Variants in FRMPD2 observed in about 807,000 individuals in gnomAD.
FRMPD2 encodes FERM and PDZ domain-containing protein 2.
In FRMPD2, 96 loss-of-function variants were observed where a neutral mutation model predicts 140.1. The ratio of observed to expected loss-of-function variants is 0.69; its 90% CI spans 0.58 to 0.81. The LOEUF (loss-of-function observed/expected upper bound fraction) is 0.81. Ranked by LOEUF, FRMPD2 falls within the 40% of genes least tolerant of loss-of-function variation. The pLI is 0.00. For missense variants in FRMPD2, 1,240 were observed against 1,447.4 expected (o/e 0.86, Z 2.32); for synonymous variants, 449 against 547.6 (o/e 0.82, Z 2.52).
intron 15 of FRMPD2, among the ~76,000 whole-genome samples, chr10:48,196,872 A>C (rs1051155518): frequency 1.9e-4 from 29 of 152,242 alleles, no homozygotes; most frequent in Non-Finnish European, 7.3e-5. Flanking sequence ...ATTACAAGCC[A>C]AATAGGCCTG....
At chr10:48,259,812 G>T (rs1304135084) in intron 1 of FRMPD2, among the ~76,000 whole-genome samples, 1 of 151,968 alleles carries the variant, frequency 6.6e-6, no homozygotes, top group Non-Finnish European at 1.5e-5. Context: ...TCCTGCATAA[G>T]AACAGCAGAT....
At chr10:48,197,469 A>C (rs1310911898) in intron 15 of FRMPD2, among the ~76,000 whole-genome samples, 1 of 152,204 alleles carries the variant, frequency 6.6e-6, no homozygotes, top group Non-Finnish European at 1.5e-5. Flanking sequence ...CACTCCCCTG[A>C]GTCTACTGGA....
rs569064085 is a variant in FRMPD2 at position 48,187,361 on chromosome 10, G to A, written c.2166-69C>T. ...GAAGGACAGTGAGGTTAGATAAGGT[G>A]GCTCAGGGAGGCAACTTCTTGGCAT... On this transcript the variant is annotated intron_variant, in intron 16 of 28. Transcript: ENST00000374201. The A allele has an allele frequency of 1.1e-3, 1,494 of 1,330,750 alleles. 23 individuals carry two copies. In the South Asian group the frequency reaches 0.018, roughly 16 times the overall value. The allele number at this position is 1,330,750 out of a possible 1,614,324, so 82.4% of individuals were successfully genotyped here.
chr10:48,246,612 G>A lies in FRMPD2; in HGVS notation c.310-1763C>T, dbSNP rs559087041. Among the ~76,000 whole-genome samples the A allele has an allele frequency of 6.6e-5, 10 of 152,372 alleles. No homozygotes were observed. In the South Asian group the frequency reaches 2.1e-3, roughly 32 times the overall value. ...CCTGACCTGCACCTGAGGCTAAGAT[G>A]CCAAGTAGTTGGGGAAATATGTCAG... On this transcript the variant is annotated intron_variant, in intron 3 of 28. Coordinates refer to ENST00000374201, the MANE Select transcript of FRMPD2 (RefSeq NM_001018071.4).
Position 48,192,710 on chromosome 10 carries a change from C to T in FRMPD2, c.2139G>A (p.Glu713=). Residue 713 remains glutamate, a synonymous_variant, in exon 16 of 29, where the codon GAG becomes GAA. Coordinates refer to ENST00000374201, the MANE Select transcript of FRMPD2 (RefSeq NM_001018071.4). Reference sequence around the variant, plus strand: ...TGCGCCCGATGCCTTCTGCTCCAGCCTCCTTGCTGCCGTCCACGTTGAAGT... The same window carrying T: ...TGCGCCCGATGCCTTCTGCTCCAGCTTCCTTGCTGCCGTCCACGTTGAAGT... The part of the protein sequence containing the change: ...MDNFNVDGSK[E]AGAEGIGRSP... The T allele has an allele frequency of 3.1e-6, 5 of 1,614,160 alleles. No homozygotes were observed. The highest frequency in any genetic ancestry group is 4.2e-6 in the Non-Finnish European group (5 of 1,180,024).
intron 1 of FRMPD2, among the ~76,000 whole-genome samples, chr10:48,273,691 T>A (rs930206133): frequency 2.6e-5 from 4 of 152,118 alleles, no homozygotes; most frequent in Admixed American, 2.6e-4. Context: ...CGACCCCCAC[T>A]GTCCTACAAC....
At chr10:48,164,704 A>G (rs143635490) in intron 27 of FRMPD2, among the ~76,000 whole-genome samples, 5,287 of 150,234 alleles carry the variant, frequency 0.035, 481 homozygotes, top group African/African-American at 0.12. Flanking sequence ...CCAAAAATCA[A>G]AATTTTAAGA....
intron 13 of FRMPD2, among the ~76,000 whole-genome samples, chr10:48,208,215 T>A (rs975218271): frequency 4.6e-5 from 7 of 152,240 alleles, no homozygotes; most frequent in African/African-American, 1.7e-4. Flanking sequence ...AAGAATTTGG[T>A]GTGATATTTC....
intron 13 of FRMPD2, 85 bp downstream of exon 13, chr10:48,211,869 G>T: frequency 7.4e-7 from 1 of 1,355,480 alleles, no homozygotes; most frequent in Non-Finnish European, 1.0e-6. Context: ...GCACACACCT[G>T]GGCCCCTTGA....
At chr10:48,208,393 T>A (rs1447282101) in intron 13 of FRMPD2, among the ~76,000 whole-genome samples, 3 of 152,198 alleles carry the variant, frequency 2.0e-5, no homozygotes, top group Admixed American at 6.5e-5. Context: ...GCCTCAAGAT[T>A]CCTACTAGTA....
chr10:48,269,936 A>T (rs954798447), intron 1 of FRMPD2, among the ~76,000 whole-genome samples: 3 of 152,126 alleles, frequency 2.0e-5, no homozygotes, highest in Admixed American at 1.3e-4. Context: ...TATTTACCAC[A>T]TACCCCTCCT....
chr10:48,222,054 GTGGA>G (rs530541627), intron 12 of FRMPD2, among the ~76,000 whole-genome samples: 2 of 149,564 alleles, frequency 1.3e-5, no homozygotes, highest in South Asian at 2.1e-4. Flanking sequence ...AGGTAGGTGG[GTGGA>G]TGGATGGATG....
At chr10:48,231,513 A>G (rs1224297326) in intron 10 of FRMPD2, among the ~76,000 whole-genome samples, 1 of 152,226 alleles carries the variant, frequency 6.6e-6, no homozygotes, top group Admixed American at 6.5e-5. Flanking sequence ...ACTCACATGT[A>G]CTTCTCTCTT....
At chr10:48,271,560 C>T (rs1375355236) in intron 1 of FRMPD2, among the ~76,000 whole-genome samples, 3 of 152,122 alleles carry the variant, frequency 2.0e-5, no homozygotes, top group Non-Finnish European at 4.4e-5. Context: ...CCTTCACTAC[C>T]TACTCTATTT....
At chr10:48,201,174 T>C (rs949097520) in intron 15 of FRMPD2, 54 bp downstream of exon 15, 5 of 1,391,470 alleles carry the variant, frequency 3.6e-6, no homozygotes, top group Non-Finnish European at 3.9e-6. Context: ...ACAAATTATT[T>C]TATGAAATAA....
At chr10:48,272,564 G>C (rs1300184195) in intron 1 of FRMPD2, among the ~76,000 whole-genome samples, 1 of 152,200 alleles carries the variant, frequency 6.6e-6, no homozygotes, top group Non-Finnish European at 1.5e-5. Flanking sequence ...CCACCTTTGT[G>C]TTCAGCGATA....
chr10:48,211,692 T>A (rs1839326657), intron 13 of FRMPD2, among the ~76,000 whole-genome samples: 1 of 151,810 alleles, frequency 6.6e-6, no homozygotes, highest in African/African-American at 2.4e-5. Flanking sequence ...CTCAAAAAAA[T>A]AAATAAATAA....
intron 16 of FRMPD2, among the ~76,000 whole-genome samples, chr10:48,191,897 A>G (rs955595541): frequency 1.3e-5 from 2 of 152,192 alleles, no homozygotes; most frequent in Non-Finnish European, 2.9e-5. Context: ...CGTGGTGTAG[A>G]GGTTAGGAGC....
intron 10 of FRMPD2, among the ~76,000 whole-genome samples, chr10:48,230,320 A>G (rs556760065): frequency 9.1e-4 from 138 of 152,326 alleles, no homozygotes; most frequent in Non-Finnish European, 1.5e-3. Flanking sequence ...TCTCTTTATA[A>G]CAGGATACAA....
Sources: allele counts gnomAD v4.1 joint callset (sites outside exome capture counted in the v4.1 genomes callset), GRCh38; gene constraint gnomAD v4.1.1; transcripts MANE v1.5; gene names NCBI Gene and HGNC (gene_info 2026-07-23, HGNC 2026-07-21).